NOTCH2: variants seen among roughly 807,000 people sequenced by gnomAD.
NOTCH2 encodes neurogenic locus notch homolog protein 2.
In NOTCH2, 29 loss-of-function variants were observed where a neutral mutation model predicts 235.8. That is an observed-to-expected ratio of 0.12 (90% CI 0.09 to 0.17). NOTCH2 has a LOEUF of 0.17. Among genes scored for constraint, NOTCH2 ranks in the 10% least tolerant of loss-of-function variants. NOTCH2 has a pLI of 1.00. For synonymous variants in NOTCH2, 1,086 were observed against 1,141.5 expected (o/e 0.95, Z 0.98); for missense variants, 2,285 against 3,150.2 (o/e 0.73, Z 6.57).
chr1:120,048,716 G>A (rs1256828732), intron 1 of NOTCH2, among the ~76,000 whole-genome samples: 2 of 131,920 alleles, frequency 1.5e-5, no homozygotes, highest in African/African-American at 3.0e-5. Context: ...CCAAAGCACT[G>A]CGATTACAGG....
At chr1:119,954,023 TA>T (rs1650590808) in intron 13 of NOTCH2, among the ~76,000 whole-genome samples, 2 of 152,154 alleles carry the variant, frequency 1.3e-5, no homozygotes, top group African/African-American at 4.8e-5. Context: ...TACATAAAAC[TA>T]AAGTAAAGCA....
rs1570700287 is a variant in NOTCH2, at chr1:119,967,710, T to A, written c.1265-89A>T. The A allele has an allele frequency of 1.5e-5, 17 of 1,141,472 alleles. No individual in the cohort carries two copies. In the East Asian group the frequency reaches 4.0e-4, roughly 27 times the overall value. The allele number at this position is 1,141,472 out of a possible 1,614,324, so 70.7% of individuals were successfully genotyped here. ...AGAAGAGCATCTGATGGTTATAGCATCAGGGCCAGGCCTTCAATAATATCA... is the reference window on the plus strand; with the variant it reads ...AGAAGAGCATCTGATGGTTATAGCAACAGGGCCAGGCCTTCAATAATATCA... On this transcript the variant is annotated intron_variant, in intron 7 of 33. Transcript: ENST00000256646.
intron 2 of NOTCH2, among the ~76,000 whole-genome samples, chr1:120,006,444 A>G (rs1448915003): frequency 1.4e-5 from 2 of 148,080 alleles, no homozygotes; most frequent in Non-Finnish European, 3.0e-5. Flanking sequence ...GATTCATAAG[A>G]TGTACAACCA....
chr1:119,921,792 A>T lies in NOTCH2; in HGVS notation c.5231T>A (p.Val1744Asp). ...AGTACCAATTAGGTTAGCTTCTGAG[A>T]CTTGCACTGAGAGATTTCTAATATG... ...AVGLKNLSVQ[V>D]SEANLIGTGT... The change falls in exon 29 of 34, where the codon GTC (valine) becomes GAC (aspartate). Residue 1744 changes from valine to aspartate, a missense_variant. This residue lies in a region of NOTCH2 where 1,173 missense variants were observed against 1,515.3 expected (regional missense o/e 0.77). Coordinates refer to ENST00000256646, the MANE Select transcript of NOTCH2 (RefSeq NM_024408.4). The T allele has an allele frequency of 1.2e-6, 2 of 1,613,548 alleles. No individual in the cohort carries two copies. The highest frequency in any genetic ancestry group is 1.7e-6 in the Non-Finnish European group (2 of 1,179,414).
Position 119,912,604 on chromosome 1 carries a change from A to G in NOTCH2, c.*2702T>C. ...TAAACAAACAAAAAAACCTATCCCC[A>G]AAGGCAGGCAGAAGAGGAGTCAAAG... On this transcript the variant is annotated 3_prime_UTR_variant, in exon 34 of 34. Transcript: ENST00000256646. The G allele has an allele frequency of 4.3e-6, 1 of 233,038 alleles. No individual in the cohort carries two copies. Among genetic ancestry groups the G allele is most frequent in the East Asian group, 6.0e-5 (1 of 16,550 alleles). The allele number at this position is 233,038 out of a possible 1,614,324, so 14.4% of individuals were successfully genotyped here.
chr1:120,041,985 G>A (rs1294287100), intron 1 of NOTCH2, among the ~76,000 whole-genome samples: 1 of 146,984 alleles, frequency 6.8e-6, no homozygotes, highest in Non-Finnish European at 1.5e-5. Flanking sequence ...GGAAAGAAAA[G>A]GGAAAGAGAG....
chr1:120,001,453 T>G (rs1226298790), intron 3 of NOTCH2, among the ~76,000 whole-genome samples: 1 of 152,228 alleles, frequency 6.6e-6, no homozygotes, highest in South Asian at 2.1e-4. Flanking sequence ...GTCCTAACAT[T>G]TGTGCTCATG....
chr1:119,946,847 G>T (rs948037739), intron 17 of NOTCH2, among the ~76,000 whole-genome samples: 2 of 152,012 alleles, frequency 1.3e-5, no homozygotes, highest in African/African-American at 2.4e-5. Flanking sequence ...GGCATACAGG[G>T]TTGAAAAGAA....
In NOTCH2 at chr1:119,913,532, A is replaced by G. The variant is rs1223037948; in HGVS notation, c.*1774T>C. 3 of 233,204 alleles carry G rather than the reference A, an allele frequency of 1.3e-5. No homozygotes were observed. The highest frequency in any genetic ancestry group is 2.5e-5 in the Non-Finnish European group (3 of 118,054). 14.4% of individuals were successfully genotyped at this position (233,204 alleles called of 1,614,324 possible). A position where few individuals can be genotyped will look rare whatever the true frequency, so the allele number is the denominator to read the frequency against. On this transcript the variant is annotated 3_prime_UTR_variant, in exon 34 of 34. Coordinates refer to ENST00000256646, the MANE Select transcript of NOTCH2 (RefSeq NM_024408.4). ...CATCACAGCACTGGACGGAAGTTGCAGTGTAGCCATGGACCAATTATTAAC... is the reference window on the plus strand; with the variant it reads ...CATCACAGCACTGGACGGAAGTTGCGGTGTAGCCATGGACCAATTATTAAC...
intron 22 of NOTCH2, 173 bp downstream of exon 22, chr1:119,935,299 C>G: frequency 6.4e-7 from 1 of 1,554,924 alleles, no homozygotes. Flanking sequence ...AACATCAGAG[C>G]TAGCAAGAGA....
At chr1:120,067,277 T>C (rs1217766199) in intron 1 of NOTCH2, among the ~76,000 whole-genome samples, 2 of 145,316 alleles carry the variant, frequency 1.4e-5, no homozygotes, top group Non-Finnish European at 3.0e-5. Context: ...TAGTTTAGCA[T>C]CTAAAGAACA....
rs781077066 is a variant in NOTCH2, at chr1:119,919,429, T to C, written c.5664A>G (p.Ser1888=). Residue 1888 remains serine, a synonymous_variant, in exon 31 of 34, where the codon TCA becomes TCG. Coordinates refer to ENST00000256646, the MANE Select transcript of NOTCH2 (RefSeq NM_024408.4). ...GGAGACGCTTGGCAGCATCAGCCCG[T>C]GAGTAGCGGGCTGCAAGGTGCAGGG... is the stretch of plus-strand genomic sequence containing the variant. The part of the protein sequence containing the change: ...EMALHLAARY[S]RADAAKRLLD... 5.6e-6 allele frequency: 9 copies of C among 1,613,758 alleles called. No homozygotes were observed. The highest frequency in any genetic ancestry group is 1.3e-5 in the African/African-American group (1 of 75,030).
chr1:120,015,076 A>G (rs1221475334), intron 2 of NOTCH2, among the ~76,000 whole-genome samples: 2 of 151,896 alleles, frequency 1.3e-5, no homozygotes, highest in South Asian at 4.2e-4. Flanking sequence ...CACCACATAC[A>G]AGAAGAAAAA....
At chr1:119,930,077 CTGTT>C (rs1347829435) in intron 22 of NOTCH2, among the ~76,000 whole-genome samples, 1 of 152,196 alleles carries the variant, frequency 6.6e-6, no homozygotes, top group African/African-American at 2.4e-5. Flanking sequence ...CATACTCTCT[CTGTT>C]TGTGTAATTA....
chr1:119,960,864 CTA>C (rs1650909828), intron 11 of NOTCH2, among the ~76,000 whole-genome samples: 1 of 152,018 alleles, frequency 6.6e-6, no homozygotes, highest in African/African-American at 2.4e-5. Flanking sequence ...CGAGGTTTTG[CTA>C]TGTTGCCCAG....
intron 5 of NOTCH2, among the ~76,000 whole-genome samples, chr1:119,976,656 T>C (rs587722126): frequency 7.4e-4 from 113 of 152,244 alleles, no homozygotes; most frequent in Non-Finnish European, 1.2e-3. Flanking sequence ...CGCCACTCGC[T>C]TGTTCAAATC....
At position 119,920,256 on chromosome 1, in the gene NOTCH2, C is replaced by T. The variant is rs2101151312; in HGVS notation, c.5452G>A (p.Val1818Met). 6.2e-7 allele frequency: 1 copy of T among 1,614,184 alleles called. No homozygotes were observed. Among genetic ancestry groups the T allele is most frequent in the Non-Finnish European group, 8.5e-7 (1 of 1,180,030 alleles). ...GGGCCACGGACATTCACATCTAACA[C>T]ATCCACCTCCTGCTCTGCCTGAGGA... Reference protein sequence around the residue: ...TPPQAEQEVDVLDVNVRGPDG... With the variant: ...TPPQAEQEVDMLDVNVRGPDG... Residue 1818 changes from valine to methionine, a missense_variant, in exon 30 of 34, where the codon GTG (valine) becomes ATG (methionine). By Grantham distance (21) the Val-to-Met change is conservative (BLOSUM62 1). Around this residue, in one of 6 missense-constraint regions of NOTCH2, gnomAD observed 1,173 missense variants for 1,515.3 expected, o/e 0.77. Transcript: ENST00000256646.
intron 22 of NOTCH2, among the ~76,000 whole-genome samples, chr1:119,933,517 T>C (rs929308435): frequency 1.3e-5 from 2 of 152,164 alleles, no homozygotes; most frequent in Non-Finnish European, 2.9e-5. Context: ...TAAAGAATCT[T>C]GAAGGCATCA....
chr1:119,966,998 C>G (rs1393823732), intron 8 of NOTCH2, among the ~76,000 whole-genome samples: 1 of 152,156 alleles, frequency 6.6e-6, no homozygotes, highest in Non-Finnish European at 1.5e-5. Context: ...ATGGTCTATG[C>G]AGAAGAGCTC....
Sources: gnomAD v4.1 joint callset for allele counts (sites outside exome capture counted in the v4.1 genomes callset) on GRCh38, gnomAD v4.1.1 for gene constraint, gnomAD v4.1.1 regional missense constraint, MANE v1.5 for transcripts, NCBI Gene and HGNC (gene_info 2026-07-23, HGNC 2026-07-21) for gene names.